DCST2: variants seen among roughly 807,000 people sequenced by gnomAD.
The protein encoded by DCST2 is DC-STAMP domain-containing protein 2.
In DCST2, 64 loss-of-function variants were observed where a neutral mutation model predicts 81.8. The observed-to-expected ratio is 0.78, with a 90% CI of 0.64 to 0.96. The LOEUF is 0.96. Ranked by LOEUF, DCST2 falls within the 40% of genes least tolerant of loss-of-function variation. DCST2 has a pLI of 0.00. For synonymous variants in DCST2, 354 were observed against 402.6 expected (o/e 0.88, Z 1.44); for missense variants, 945 against 1,001.4 (o/e 0.94, Z 0.76).
rs1331121591 is a variant in DCST2, at chr1:155,018,541, G to C, written c.*3C>G. 1 of 1,610,146 alleles carries C rather than the reference G, an allele frequency of 6.2e-7. No individual in the cohort carries two copies. The highest frequency in any genetic ancestry group is 1.7e-5 in the Admixed American group (1 of 59,868). On this transcript the variant is annotated 3_prime_UTR_variant, in exon 15 of 15. Transcript: ENST00000368424. The stretch of plus-strand genomic sequence containing the variant: ...AAGATTCACACTTGTGTCCACTTTT[G>C]GTTTATTTGGGGGGTGGGTGGGAAG...
intron 14 of DCST2, 74 bp from the exon 15 acceptor site, chr1:155,018,834 T>G (rs1571538318): frequency 6.9e-7 from 1 of 1,438,912 alleles, no homozygotes; most frequent in Admixed American, 2.0e-5. Flanking sequence ...CCCCCTGCCC[T>G]GCCCCATCTG....
In DCST2 at chr1:155,033,736, A is replaced by C; in HGVS notation, c.-35T>G. The C allele has an allele frequency of 6.3e-7, 1 of 1,598,364 alleles. No individual in the cohort carries two copies. Among genetic ancestry groups the C allele is most frequent in the Non-Finnish European group, 8.5e-7 (1 of 1,170,820 alleles). On this transcript the variant is annotated 5_prime_UTR_variant, in exon 1 of 15. Coordinates refer to ENST00000368424, the MANE Select transcript of DCST2 (RefSeq NM_144622.3). ...GACCAAATGTCTGCCTGTCTCCAGG[A>C]GATGCCCGCTGACTTCTGTGCTCCT...
chr1:155,029,968 C>T (rs1299718929), intron 7 of DCST2, 116 bp downstream of exon 7: 6 of 1,477,762 alleles, frequency 4.1e-6, no homozygotes, highest in Non-Finnish European at 5.5e-6. Context: ...CCCTCTGGCC[C>T]CTGCCCCAAG....
intron 12 of DCST2, 115 bp downstream of exon 12, chr1:155,023,717 G>A: frequency 2.5e-6 from 4 of 1,580,742 alleles, no homozygotes; most frequent in African/African-American, 1.3e-5. Flanking sequence ...AATGAAGGGA[G>A]GGGCACAAAA....
At chr1:155,030,677 C>A in intron 5 of DCST2, 32 bp from the exon 6 acceptor site, 1 of 1,611,348 alleles carries the variant, frequency 6.2e-7, no homozygotes, top group South Asian at 1.1e-5. Context: ...GAGACGTGGG[C>A]AAGGAGAGTT....
chr1:155,028,826 C>T (rs35670227), intron 8 of DCST2, among the ~76,000 whole-genome samples: 20 of 149,452 alleles, frequency 1.3e-4, no homozygotes, highest in African/African-American at 4.9e-4. Context: ...GCCGAGATGG[C>T]GCCACTGCAC....
intron 14 of DCST2, among the ~76,000 whole-genome samples, chr1:155,021,930 G>A (rs1659769222): frequency 6.6e-6 from 1 of 150,978 alleles, no homozygotes; most frequent in Non-Finnish European, 1.5e-5. Context: ...GCAGTGGTGT[G>A]ATCTTGGCTC....
intron 14 of DCST2, among the ~76,000 whole-genome samples, chr1:155,022,300 C>G (rs1032786316): frequency 4.6e-5 from 7 of 152,198 alleles, no homozygotes; most frequent in South Asian, 2.1e-4. Context: ...TCTGAGGTCT[C>G]TACCCAGCCA....
In DCST2 at chr1:155,026,719, G is replaced by A. The variant is rs1225957434; in HGVS notation, c.1343-4C>T. ...GTTAGAGACACCAACACAGGACCTG[G>A]CACAAAGACACTGTGTGAGTGACAC... is the stretch of plus-strand genomic sequence containing the variant. On this transcript the variant is annotated splice_polypyrimidine_tract_variant and splice_region_variant and intron_variant, in intron 8 of 14. Transcript: ENST00000368424. The A allele has an allele frequency of 1.2e-6, 2 of 1,614,060 alleles. No individual in the cohort carries two copies. Among genetic ancestry groups the A allele is most frequent in the African/African-American group, 1.3e-5 (1 of 75,050 alleles).
At chr1:155,021,447 T>A (rs1415466085) in intron 14 of DCST2, among the ~76,000 whole-genome samples, 4 of 151,894 alleles carry the variant, frequency 2.6e-5, no homozygotes, top group Admixed American at 6.6e-5. Flanking sequence ...CCCTACTTGA[T>A]TTCATATGTT....
At chr1:155,029,981 C>G in intron 7 of DCST2, 103 bp downstream of exon 7, 2 of 1,529,404 alleles carry the variant, frequency 1.3e-6, no homozygotes, top group South Asian at 2.5e-5. Flanking sequence ...GCCCCAAGCC[C>G]ATCCTGAGCC....
intron 8 of DCST2, 132 bp downstream of exon 8, chr1:155,029,101 T>C (rs1456765650): frequency 9.2e-7 from 1 of 1,081,620 alleles, no homozygotes; most frequent in African/African-American, 1.6e-5. Context: ...AACAGTGACA[T>C]GGGGACATTC....
chr1:155,020,826 A>G (rs74743061), intron 14 of DCST2, among the ~76,000 whole-genome samples: 1 of 147,864 alleles, frequency 6.8e-6, no homozygotes, highest in East Asian at 2.0e-4. Flanking sequence ...TTTTTTTTTA[A>G]TCTTCTAATT....
chr1:155,032,640 C>A, intron 3 of DCST2, 27 bp downstream of exon 3: 1 of 1,607,440 alleles, frequency 6.2e-7, no homozygotes, highest in South Asian at 1.1e-5. Context: ...TTTTGAGTCC[C>A]CGGGATAGAC....
chr1:155,023,518 C>G, intron 12 of DCST2, 61 bp from the exon 13 acceptor site: 1 of 1,550,944 alleles, frequency 6.4e-7, no homozygotes, highest in South Asian at 1.2e-5. Flanking sequence ...CTCTGTGCTT[C>G]CTGGTTGCCA....
At position 155,018,654 on chromosome 1, in the gene DCST2, G is replaced by A; in HGVS notation, c.2212C>T (p.Pro738Ser). Residue 738 changes from proline (P) to serine (S), a missense_variant, in exon 15 of 15, where the codon CCA becomes TCA. By Grantham distance (74) the Pro-to-Ser change is moderately conservative. Transcript: ENST00000368424. Reference sequence around the variant, plus strand: ...TTAGTGGCGGAGGATGTCTCAGGTGGTCTGTGGGGCTCAGGGCTGGTGAGA... The same window carrying A: ...TTAGTGGCGGAGGATGTCTCAGGTGATCTGTGGGGCTCAGGGCTGGTGAGA... Reference protein sequence around the residue: ...SILTSPEPHRPPETSSATKGA... With the variant: ...SILTSPEPHRSPETSSATKGA... 6.2e-7 allele frequency: 1 copy of A among 1,613,902 alleles called. No individual in the cohort carries two copies. Among genetic ancestry groups the A allele is most frequent in the African/African-American group, 1.3e-5 (1 of 74,990 alleles).
At chr1:155,022,190 T>C (rs1289047890) in intron 14 of DCST2, among the ~76,000 whole-genome samples, 4 of 152,106 alleles carry the variant, frequency 2.6e-5, no homozygotes, top group Non-Finnish European at 5.9e-5. Context: ...AAAAGACAAA[T>C]ATGAGCATAT....
At chr1:155,026,525 G>C (rs759661176) in intron 9 of DCST2, 23 bp downstream of exon 9, 1 of 1,613,568 alleles carries the variant, frequency 6.2e-7, no homozygotes, top group South Asian at 1.1e-5. Flanking sequence ...ACGCCCCCAG[G>C]GACCTCAGGG....
At chr1:155,024,663 C>A (rs1571544538) in intron 10 of DCST2, 61 bp from the exon 11 acceptor site, 1 of 1,499,496 alleles carries the variant, frequency 6.7e-7, no homozygotes, top group African/African-American at 1.4e-5. Context: ...CCTGGAATGC[C>A]CTCTGCACCC....
Sources: gnomAD v4.1 joint callset for allele counts (sites outside exome capture counted in the v4.1 genomes callset) on GRCh38, gnomAD v4.1.1 for gene constraint, MANE v1.5 for transcripts, NCBI Gene and HGNC (gene_info 2026-07-23, HGNC 2026-07-21) for gene names.